CREBBP: variants seen among roughly 807,000 people sequenced by gnomAD.
CREBBP encodes the protein CREB-binding protein.
A neutral mutation model predicts 265.0 loss-of-function variants in CREBBP; 19 were observed. That is an observed-to-expected ratio of 0.07 (90% CI 0.05 to 0.11). CREBBP has a LOEUF of 0.11. Ranked by LOEUF, CREBBP falls within the 10% of genes least tolerant of loss-of-function variation. The pLI is 1.00. For missense variants in CREBBP, 2,525 were observed against 3,219.0 expected, an observed-to-expected ratio of 0.78 and a Z score of 5.22; for synonymous variants, 1,457 against 1,223.7, an observed-to-expected ratio of 1.19 and a Z score of -3.98.
Position 3,772,328 on chromosome 16 carries a change from AACACACACACACAC to A in CREBBP, c.2464-1356_2464-1343del, listed in dbSNP as rs34060381. Among the ~76,000 whole-genome samples, 674 of 145,352 alleles carry A rather than the reference AACACACACACACAC, an allele frequency of 4.6e-3. 2 individuals carry two copies. The highest frequency in any genetic ancestry group is 0.016 in the African/African-American group (638 of 38,964). On this transcript the variant is annotated intron_variant, in intron 13 of 30. Coordinates refer to ENST00000262367, the MANE Select transcript of CREBBP (RefSeq NM_004380.3). ...AAAAAAAAATTCTCTCTGAAACACA[AACACACACACACAC>A]ACACACACACACACACACACACACG...
intron 2 of CREBBP, among the ~76,000 whole-genome samples, chr16:3,830,923 C>T (rs2054330812): frequency 6.6e-6 from 1 of 152,166 alleles, no homozygotes; most frequent in Non-Finnish European, 1.5e-5. Flanking sequence ...GCTGCAACTA[C>T]AGAAGCGCAC....
chr16:3,848,997 C>T (rs943531322), intron 2 of CREBBP, among the ~76,000 whole-genome samples: 1 of 152,168 alleles, frequency 6.6e-6, no homozygotes, highest in Non-Finnish European at 1.5e-5. Flanking sequence ...CGTCACCCAA[C>T]GCTCTCATCA....
intron 19 of CREBBP, among the ~76,000 whole-genome samples, chr16:3,756,998 G>A (rs1266210165): frequency 1.3e-5 from 2 of 152,174 alleles, no homozygotes. Flanking sequence ...ATGGGCCTAA[G>A]TGACTAACAA....
rs2051782997 is a variant in CREBBP at position 3,727,723 on chromosome 16, A to G, written c.7324T>C (p.Leu2442=). 3 of 1,614,110 alleles carry G rather than the reference A, an allele frequency of 1.9e-6. No homozygotes were observed. The highest frequency in any genetic ancestry group is 1.1e-5 in the South Asian group (1 of 91,084). The change falls in exon 31 of 31, where the codon TTG becomes CTG. Residue 2442 remains leucine (L), a synonymous_variant. Transcript: ENST00000262367. ...AAGGTGATGCTCTCACAATGCTACA[A>G]GCCCTCCACAAACTTCTCTAGCGTG... The part of the protein sequence containing the change: ...GDTLEKFVEG[L]
At chr16:3,756,938 G>A (rs2052599700) in intron 19 of CREBBP, among the ~76,000 whole-genome samples, 1 of 152,176 alleles carries the variant, frequency 6.6e-6, no homozygotes, top group Non-Finnish European at 1.5e-5. Context: ...TGGCTCTGAG[G>A]TTACAGTTTT....
chr16:3,796,189 T>C (rs909025469), intron 3 of CREBBP, among the ~76,000 whole-genome samples: 14 of 152,214 alleles, frequency 9.2e-5, no homozygotes, highest in African/African-American at 3.1e-4. Context: ...AAGTAAATTA[T>C]AACCAGACTG....
intron 23 of CREBBP, 72 bp downstream of exon 23, chr16:3,744,822 G>C (rs760037048): frequency 8.2e-7 from 1 of 1,213,086 alleles, no homozygotes; most frequent in Non-Finnish European, 1.2e-6. Flanking sequence ...AGGAACCAAA[G>C]AACAATGGGG....
At chr16:3,879,744 T>C (rs1054719780) in intron 1 of CREBBP, 88 bp downstream of exon 1, 2 of 1,381,532 alleles carry the variant, frequency 1.4e-6, no homozygotes, top group East Asian at 2.5e-5. Context: ...GCTCGATCGG[T>C]ATCCGCGACC....
At chr16:3,810,925 G>T in intron 2 of CREBBP, 146 bp from the exon 3 acceptor site, 1 of 788,968 alleles carries the variant, frequency 1.3e-6, no homozygotes, top group Non-Finnish European at 2.1e-6. Context: ...GCTCCAAGCA[G>T]AAGGCTCATG....
chr16:3,855,474 A>G (rs2054941454), intron 1 of CREBBP, among the ~76,000 whole-genome samples: 1 of 152,210 alleles, frequency 6.6e-6, no homozygotes, highest in Non-Finnish European at 1.5e-5. Context: ...CACGTTGGCC[A>G]GGCTGGTTTC....
At chr16:3,853,116 C>T (rs1170131594) in intron 1 of CREBBP, among the ~76,000 whole-genome samples, 1 of 152,122 alleles carries the variant, frequency 6.6e-6, no homozygotes, top group Non-Finnish European at 1.5e-5. Context: ...CTCAGCCTTT[C>T]TTTGCCTCAG....
At chr16:3,740,857 G>A (rs1235985972) in intron 23 of CREBBP, 19 of 411,390 alleles carry the variant, frequency 4.6e-5, no homozygotes, top group South Asian at 1.9e-4. Flanking sequence ...GCTCTAGGGC[G>A]GAGCAGATGG....
intron 1 of CREBBP, 132 bp downstream of exon 1, chr16:3,879,700 G>A (rs1456424433): frequency 4.1e-6 from 4 of 983,188 alleles, no homozygotes; most frequent in Non-Finnish European, 4.7e-6. Flanking sequence ...GCGGGGCGAG[G>A]GGAACGGGCT....
intron 2 of CREBBP, among the ~76,000 whole-genome samples, chr16:3,829,496 G>C (rs2054300514): frequency 6.6e-6 from 1 of 152,178 alleles, no homozygotes; most frequent in African/African-American, 2.4e-5. Flanking sequence ...ATTGTGAATT[G>C]AACAGATTCC....
rs1567360061 is a variant in CREBBP at position 3,849,425 on chromosome 16, GTGTGTGTGTGTGTGTGTGTGT to G, written c.798+851_798+871del. 9.0e-3 allele frequency among the ~76,000 whole-genome samples: 95 copies of G among 10,576 alleles called. 2 individuals carry two copies. Among genetic ancestry groups the G allele is most frequent in the Middle Eastern group, 0.071 (1 of 14 alleles). The allele number at this position is 10,576 out of a possible 152,430, so 6.9% of individuals were successfully genotyped here. On this transcript the variant is annotated intron_variant, in intron 2 of 30. Transcript: ENST00000262367. ...TGTGTGTGTGTGTGTGTGTGTGTGTGTGTGTGTGTGTGTGTGTGTGTGTGTGTGTGTGTGTGTGTGTGTGTG... is the reference window on the plus strand; with the variant it reads ...TGTGTGTGTGTGTGTGTGTGTGTGTGGTGTGTGTGTGTGTGTGTGTGTGTG...
chr16:3,857,340 C>T (rs935385167), intron 1 of CREBBP, among the ~76,000 whole-genome samples: 1 of 151,964 alleles, frequency 6.6e-6, no homozygotes, highest in African/African-American at 2.4e-5. Flanking sequence ...TGTAATTCAC[C>T]ATATGAATAT....
intron 13 of CREBBP, 25 bp from the exon 14 acceptor site, chr16:3,771,011 T>C (rs1268645049): frequency 6.2e-7 from 1 of 1,610,720 alleles, no homozygotes; most frequent in Non-Finnish European, 8.5e-7. Context: ...CAGAGTATGG[T>C]AAAATTATTT....
At chr16:3,830,706 AT>A (rs1004134293) in intron 2 of CREBBP, among the ~76,000 whole-genome samples, 14 of 152,198 alleles carry the variant, frequency 9.2e-5, no homozygotes, top group Admixed American at 4.6e-4. Flanking sequence ...GAACAAAAAA[AT>A]CATAAGGATT....
intron 1 of CREBBP, among the ~76,000 whole-genome samples, chr16:3,871,199 TCACACACACACACACACA>T (rs1037838119): frequency 2.0e-5 from 1 of 49,738 alleles, no homozygotes; most frequent in African/African-American, 6.0e-5. Flanking sequence ...TCTCTCTCAC[TCACACACACACACACACA>T]CACACACACA....
Sources: allele counts gnomAD v4.1 joint callset (sites outside exome capture counted in the v4.1 genomes callset), GRCh38; gene constraint gnomAD v4.1.1; transcripts MANE v1.5; gene names NCBI Gene and HGNC (gene_info 2026-07-23, HGNC 2026-07-21).